MCM8: variants seen among roughly 807,000 people sequenced by gnomAD.
The protein encoded by MCM8 is DNA helicase MCM8.
MCM8 carries 85 observed loss-of-function variants against 98.9 expected under a neutral mutation model. That is an observed-to-expected ratio of 0.86 (90% CI 0.72 to 1.03). MCM8 has a LOEUF of 1.03. Ranked by LOEUF, MCM8 falls within the 50% of genes least tolerant of loss-of-function variation. The pLI is 0.00. For synonymous variants in MCM8, 352 were observed against 338.6 expected (o/e 1.04, Z -0.44); for missense variants, 951 against 997.8 (o/e 0.95, Z 0.63).
Position 5,987,297 on chromosome 20 carries a change from G to T in MCM8, c.2179G>T (p.Glu727Ter). Residue 727 changes from glutamate (E) to a stop codon, truncating the protein, a stop_gained, in exon 17 of 19, where the codon GAA (glutamate) becomes TAA (stop). Coordinates refer to ENST00000610722, the MANE Select transcript of MCM8 (RefSeq NM_032485.6). LOFTEE classifies it high-confidence loss of function. The stretch of plus-strand genomic sequence containing the variant: ...TCTTTTAAAGGCACGAGCAAGGTTG[G>T]AATTGAGAGAGGAAGCAACCAAAGA... ...IRLTEARARL[E>*]LREEATKEDA... 6.2e-7 allele frequency: 1 copy of T among 1,613,304 alleles called. No individual in the cohort carries two copies. The highest frequency in any genetic ancestry group is 8.5e-7 in the Non-Finnish European group (1 of 1,179,698).
At chr20:5,951,248 A>G (rs991171653) in intron 1 of MCM8, among the ~76,000 whole-genome samples, 1 of 152,228 alleles carries the variant, frequency 6.6e-6, no homozygotes, top group Non-Finnish European at 1.5e-5. Context: ...ACTGTCGACA[A>G]ACAACTTTGA....
At chr20:5,980,139 G>A (rs1376211098) in intron 13 of MCM8, among the ~76,000 whole-genome samples, 2 of 152,106 alleles carry the variant, frequency 1.3e-5, no homozygotes, top group African/African-American at 4.8e-5. Flanking sequence ...CCCCAGTGAG[G>A]TCTTCCCTAA....
chr20:5,974,270 A>G (rs1274467251), intron 12 of MCM8, among the ~76,000 whole-genome samples: 1 of 152,144 alleles, frequency 6.6e-6, no homozygotes, highest in African/African-American at 2.4e-5. Flanking sequence ...AGCTGGGACT[A>G]TAGACATGTG....
intron 8 of MCM8, among the ~76,000 whole-genome samples, chr20:5,963,654 A>T (rs1429200986): frequency 6.6e-6 from 1 of 150,486 alleles, no homozygotes. Flanking sequence ...CAGCCTCCTG[A>T]GTAGCTGGGA....
At chr20:5,969,921 A>G (rs1156639356) in intron 10 of MCM8, among the ~76,000 whole-genome samples, 1 of 152,196 alleles carries the variant, frequency 6.6e-6, no homozygotes, top group Admixed American at 6.5e-5. Flanking sequence ...TTAAAACTGA[A>G]CATTTTTAGT....
At position 5,996,098 on chromosome 20, in the gene MCM8, T is replaced by C. The variant is rs1307106437; in HGVS notation, c.*1707T>C. On this transcript the variant is annotated 3_prime_UTR_variant, in exon 19 of 19. Transcript: ENST00000610722. The stretch of plus-strand genomic sequence containing the variant: ...TTTTGAGACCAGCCTATGCAACACA[T>C]TGAGACCCTATCTCTACAAAAAATA... 1 of 152,050 alleles carries C rather than the reference T, an allele frequency of 6.6e-6. No individual in the cohort carries two copies. The highest frequency in any genetic ancestry group is 1.5e-5 in the Non-Finnish European group (1 of 68,042). The allele number at this position is 152,050 out of a possible 1,614,324, so 9.4% of individuals were successfully genotyped here. A position where few individuals can be genotyped will look rare whatever the true frequency, so the allele number is the denominator to read the frequency against.
At chr20:5,972,760 G>A in intron 11 of MCM8, 1 of 1,340,012 alleles carries the variant, frequency 7.5e-7, no homozygotes, top group Non-Finnish European at 9.8e-7. Flanking sequence ...ACTAGACACT[G>A]CCAGTATTAA....
At chr20:5,972,461 G>T (rs917535699) in intron 11 of MCM8, 2 of 255,414 alleles carry the variant, frequency 7.8e-6, no homozygotes, top group African/African-American at 4.7e-5. Flanking sequence ...ACCCAATTTA[G>T]CCTCCAAAGT....
intron 13 of MCM8, among the ~76,000 whole-genome samples, chr20:5,981,210 A>G (rs935373336): frequency 6.6e-6 from 1 of 152,212 alleles, no homozygotes; most frequent in Admixed American, 6.5e-5. Context: ...GAGGAATTGC[A>G]TTAGCAATCT....
intron 7 of MCM8, among the ~76,000 whole-genome samples, chr20:5,959,838 A>G (rs1375119686): frequency 2.6e-5 from 4 of 151,870 alleles, no homozygotes; most frequent in African/African-American, 9.7e-5. Context: ...AGCTGGGACT[A>G]CAGGCACGCG....
chr20:5,974,542 A>G (rs12480858), intron 12 of MCM8, among the ~76,000 whole-genome samples: 6,991 of 152,254 alleles, frequency 0.046, 259 homozygotes, highest in African/African-American at 0.1. Flanking sequence ...ATCTTTTTCC[A>G]AGGATTGGGA....
chr20:5,994,875 T>G lies in MCM8; in HGVS notation c.*484T>G. On this transcript the variant is annotated 3_prime_UTR_variant, in exon 19 of 19. Transcript: ENST00000610722. ...AGTGAGCCACAATCACACCAATCAC[T>G]GCACTCCAGCCTGGGCAATAAAGTA... is the stretch of plus-strand genomic sequence containing the variant. The G allele has an allele frequency of 3.7e-6, 1 of 267,244 alleles. No homozygotes were observed. Among genetic ancestry groups the G allele is most frequent in the East Asian group, 9.8e-5 (1 of 10,164 alleles). 16.6% of individuals were successfully genotyped at this position (267,244 alleles called of 1,614,324 possible).
chr20:5,951,943 A>C, intron 1 of MCM8, 68 bp from the exon 2 acceptor site: 1 of 1,499,036 alleles, frequency 6.7e-7, no homozygotes, highest in East Asian at 2.4e-5. Flanking sequence ...CCTTTTTATT[A>C]ATACATTTTT....
intron 7 of MCM8, among the ~76,000 whole-genome samples, chr20:5,960,487 C>T (rs1306802342): frequency 6.6e-6 from 1 of 152,124 alleles, no homozygotes; most frequent in African/African-American, 2.4e-5. Context: ...ATTCTAGATA[C>T]TAATTATTGT....
intron 3 of MCM8, 32 bp from the exon 4 acceptor site, chr20:5,954,576 T>C: frequency 7.8e-7 from 1 of 1,282,016 alleles, no homozygotes; most frequent in Non-Finnish European, 1.1e-6. Flanking sequence ...CCTGTGTGAT[T>C]ATTTGTGCTA....
intron 3 of MCM8, among the ~76,000 whole-genome samples, chr20:5,953,673 C>T (rs236112): frequency 0.23 from 34,480 of 151,708 alleles, 5,651 homozygotes; most frequent in African/African-American, 0.46. Context: ...CGGGGTTTCA[C>T]CGTGTTAGCT....
intron 17 of MCM8, among the ~76,000 whole-genome samples, chr20:5,988,178 AG>A (rs1172428579): frequency 2.6e-5 from 4 of 152,116 alleles, no homozygotes; most frequent in African/African-American, 9.7e-5. Context: ...CAAAAAGTAT[AG>A]GCCAGGTATG....
intron 17 of MCM8, among the ~76,000 whole-genome samples, chr20:5,989,478 T>C (rs184222523): frequency 2.4e-4 from 37 of 152,286 alleles, no homozygotes; most frequent in Admixed American, 4.6e-4. Flanking sequence ...CTCTGAGTTA[T>C]ACCATAAACC....
chr20:5,966,903 C>T (rs1426723118), intron 8 of MCM8, among the ~76,000 whole-genome samples: 1 of 152,134 alleles, frequency 6.6e-6, no homozygotes, highest in South Asian at 2.1e-4. Context: ...CTTCCCCTAC[C>T]CACCTGTCCA....
Sources: gnomAD v4.1 joint callset for allele counts (sites outside exome capture counted in the v4.1 genomes callset) on GRCh38, gnomAD v4.1.1 for gene constraint, MANE v1.5 for transcripts, NCBI Gene and HGNC (gene_info 2026-07-23, HGNC 2026-07-21) for gene names.